The following NBPF9 variants were observed in gnomAD, a reference collection of about 807,000 sequenced individuals.
NBPF9 encodes NBPF family member NBPF9.
In NBPF9, 91 loss-of-function variants were observed where a neutral mutation model predicts 97.8. That is an observed-to-expected ratio of 0.93 (90% CI 0.79 to 1.11). The LOEUF (loss-of-function observed/expected upper bound fraction) is 1.11. Among genes scored for constraint, NBPF9 ranks in the 50% least tolerant of loss-of-function variants. The pLI, the probability that NBPF9 is intolerant of heterozygous loss-of-function variation, is 0.00. For missense variants in NBPF9, 992 were observed against 939.5 expected (o/e 1.06, Z -0.73); for synonymous variants, 334 against 359.5 (o/e 0.93, Z 0.80).
chr1:149,062,669 T>A (rs1448247670), intron 21 of NBPF9, among the ~76,000 whole-genome samples, 193 bp downstream of exon 21: 1 of 149,910 alleles, frequency 6.7e-6, no homozygotes, highest in African/African-American at 2.5e-5. Flanking sequence ...CAACCTATAG[T>A]AAGTTAGTAA....
intron 12 of NBPF9, among the ~76,000 whole-genome samples, chr1:149,074,396 C>T (rs1553653793): frequency 6.6e-6 from 1 of 150,784 alleles, no homozygotes; most frequent in Admixed American, 6.6e-5. Context: ...AAATGTGACA[C>T]ATAAGACCAT....
chr1:149,089,152 G>C (rs1553659498), intron 5 of NBPF9, among the ~76,000 whole-genome samples: 1 of 152,234 alleles, frequency 6.6e-6, no homozygotes, highest in South Asian at 2.1e-4. Flanking sequence ...AATCCATGCG[G>C]CATCTCCCGC....
chr1:149,071,391 T>A (rs1352096053), intron 15 of NBPF9, among the ~76,000 whole-genome samples: 2 of 149,470 alleles, frequency 1.3e-5, no homozygotes, highest in East Asian at 4.1e-4. Context: ...GGATGAAGAC[T>A]CAGCTATCCT....
Position 149,071,006 on chromosome 1 carries a change from CT to C in NBPF9, c.1512del (p.Asp505ThrfsTer84), listed in dbSNP as rs1553652812. 3 of 1,612,070 alleles carry C rather than the reference CT, an allele frequency of 1.9e-6. No homozygotes were observed. The African/African-American group carries it at 4.0e-5, about 22-fold the overall frequency. On this transcript the variant is annotated frameshift_variant, in exon 16 of 30. Transcript: ENST00000584027. LOFTEE classifies it high-confidence loss of function. Reference sequence around the variant, plus strand: ...CCAATGAGAGTTGAGTCGACTTTGTCTTCCTCAAATGTGATTTTGGTTTTCC... The same window carrying C: ...CCAATGAGAGTTGAGTCGACTTTGTCTCCTCAAATGTGATTTTGGTTTTCC...
At chr1:149,073,605 A>G (rs1401000302) in intron 13 of NBPF9, among the ~76,000 whole-genome samples, 163 bp downstream of exon 13, 4 of 149,760 alleles carry the variant, frequency 2.7e-5, no homozygotes, top group African/African-American at 9.8e-5. Flanking sequence ...CATTTTTATT[A>G]TCCTTCTTCT....
At chr1:149,058,732 G>T (rs2078402714) in intron 26 of NBPF9, 193 bp downstream of exon 26, 7 of 502,904 alleles carry the variant, frequency 1.4e-5, no homozygotes, top group Admixed American at 3.1e-5. Context: ...TAGGAATAGA[G>T]CCTTGCTCAC....
intron 4 of NBPF9, among the ~76,000 whole-genome samples, chr1:149,093,542 C>T (rs2081552318): frequency 7.0e-6 from 1 of 142,172 alleles, no homozygotes; most frequent in Admixed American, 7.1e-5. Flanking sequence ...GGCAGAGGAC[C>T]CTGCAGTCTT....
intron 4 of NBPF9, among the ~76,000 whole-genome samples, chr1:149,097,137 TAAAG>T (rs1223894421): frequency 1.5e-5 from 2 of 130,240 alleles, no homozygotes; most frequent in Admixed American, 7.8e-5. Flanking sequence ...AGGGAAAGAA[TAAAG>T]AGAGAGAGAA....
chr1:149,055,559 T>C (rs879962713), exon 30 of NBPF9: 3 of 1,564,436 alleles, frequency 1.9e-6, no homozygotes, highest in South Asian at 1.2e-5. Flanking sequence ...CCATCCTATG[T>C]CTGGGCTTCC....
chr1:149,054,781 C>A (rs1347826453), exon 30 of NBPF9: 2 of 152,152 alleles, frequency 1.3e-5, no homozygotes, highest in African/African-American at 2.4e-5. Context: ...CCCAAAATAT[C>A]TCTTCTCCTT....
chr1:149,072,841 T>A lies in NBPF9; in HGVS notation c.1183A>T (p.Asn395Tyr), dbSNP rs1297831366. The A allele has an allele frequency of 1.8e-4, 284 of 1,603,206 alleles. 5 individuals carry two copies. Among genetic ancestry groups the A allele is most frequent in the Non-Finnish European group, 2.4e-4 (276 of 1,172,238 alleles). Reference sequence around the variant, plus strand: ...GTGAGGAGGGCCTGGAGATGCTCATTCAATGAGCGGGAGGCATCTCTCCCT... The same window carrying A: ...GTGAGGAGGGCCTGGAGATGCTCATACAATGAGCGGGAGGCATCTCTCCCT... The change falls in exon 14 of 30, where the codon AAT becomes TAT. Residue 395 changes from asparagine to tyrosine, a missense_variant. Around this residue, in one of 11 missense-constraint regions of NBPF9, gnomAD observed 187 missense variants for 149.6 expected, o/e 1.25. Transcript: ENST00000584027.
At chr1:149,093,564 T>C (rs2081555068) in intron 4 of NBPF9, among the ~76,000 whole-genome samples, 1 of 131,556 alleles carries the variant, frequency 7.6e-6, no homozygotes, top group African/African-American at 3.0e-5. Flanking sequence ...CGCAGTGTAG[T>C]GTGCCTCTGG....
chr1:149,082,974 T>TTC (rs2080642071), intron 5 of NBPF9, among the ~76,000 whole-genome samples: 2 of 130,850 alleles, frequency 1.5e-5, no homozygotes, highest in African/African-American at 2.8e-5. Context: ...TTTTTTTTTT[T>TTC]TTTTTTTTGT....
chr1:149,103,379 G>T (rs587695358), exon 1 of NBPF9: 1 of 151,650 alleles, frequency 6.6e-6, no homozygotes, highest in South Asian at 2.1e-4. Flanking sequence ...GCCTCGGCCC[G>T]CTCCTGGCGC....
At chr1:149,072,307 C>G (rs2079477948) in intron 14 of NBPF9, among the ~76,000 whole-genome samples, 1 of 152,060 alleles carries the variant, frequency 6.6e-6, no homozygotes, top group Non-Finnish European at 1.5e-5. Flanking sequence ...ATTTGTCTGC[C>G]ACGGAGAGAG....
At chr1:149,080,008 A>T (rs2080275908) in intron 8 of NBPF9, 45 bp downstream of exon 8, 12 of 1,476,610 alleles carry the variant, frequency 8.1e-6, no homozygotes, top group Non-Finnish European at 1.0e-5. Context: ...TACTTCAGAG[A>T]TCTACACACC....
At chr1:149,073,737 C>G in intron 13 of NBPF9, 31 bp downstream of exon 13, 5 of 1,528,890 alleles carry the variant, frequency 3.3e-6, no homozygotes, top group South Asian at 1.1e-5. Flanking sequence ...ACACACCTGC[C>G]CCCCTGCCTG....
chr1:149,103,201 C>A (rs1370851729), intron 1 of NBPF9, 100 bp downstream of exon 1: 3 of 150,912 alleles, frequency 2.0e-5, no homozygotes, highest in African/African-American at 7.3e-5. Context: ...CCTCGCCCTC[C>A]GTCGCTCGCA....
At chr1:149,081,473 C>T (rs1160784119) in intron 7 of NBPF9, among the ~76,000 whole-genome samples, 7 of 150,970 alleles carry the variant, frequency 4.6e-5, no homozygotes, top group Admixed American at 3.3e-4. Context: ...CTATTAGGAG[C>T]AGACTCCTCT....
Sources: gnomAD v4.1 joint callset for allele counts (sites outside exome capture counted in the v4.1 genomes callset) on GRCh38, gnomAD v4.1.1 for gene constraint, gnomAD v4.1.1 regional missense constraint, MANE v1.5 for transcripts, NCBI Gene and HGNC (gene_info 2026-07-23, HGNC 2026-07-21) for gene names.